Variants in ST3GAL3 observed in about 807,000 individuals in gnomAD.
ST3GAL3 encodes CMP-N-acetylneuraminate-beta-1,4-galactoside alpha-2,3-sialyltransferase.
In ST3GAL3, 21 loss-of-function variants were observed where a neutral mutation model predicts 50.1. The observed-to-expected ratio is 0.42, with a 90% CI of 0.30 to 0.60. ST3GAL3 has a LOEUF of 0.60. ST3GAL3 is among the 20% of genes least tolerant of loss of function. The pLI is 0.19. For missense variants in ST3GAL3, 353 were observed against 489.4 expected, an observed-to-expected ratio of 0.72 and a Z score of 2.63; for synonymous variants, 183 against 190.0, an observed-to-expected ratio of 0.96 and a Z score of 0.30.
Position 43,790,853 on chromosome 1 carries a change from G to T in ST3GAL3, c.119-1249G>T, listed in dbSNP as rs1262308552. 2.6e-5 allele frequency among the ~76,000 whole-genome samples: 4 copies of T among 151,906 alleles called. No individual in the cohort carries two copies. In the East Asian group the frequency reaches 7.8e-4, roughly 30 times the overall value. The stretch of plus-strand genomic sequence containing the variant: ...GTGTTTCACCATGTTGACCAGGATG[G>T]TCTCGATCTCTTGACCTCGTGATCC... On this transcript the variant is annotated intron_variant, in intron 2 of 11. Transcript: ENST00000347631.
At chr1:43,743,038 C>T (rs1681672882) in intron 2 of ST3GAL3, among the ~76,000 whole-genome samples, 2 of 150,234 alleles carry the variant, frequency 1.3e-5, no homozygotes, top group Non-Finnish European at 1.5e-5. Context: ...TGCAGTGAGC[C>T]GAGATCGCGC....
chr1:43,714,090 C>T (rs1465872832), intron 1 of ST3GAL3, among the ~76,000 whole-genome samples: 4 of 151,404 alleles, frequency 2.6e-5, no homozygotes, highest in African/African-American at 9.7e-5. Context: ...GTGTTGAAAC[C>T]CCGTCTCTAT....
In ST3GAL3 at chr1:43,746,031, A is replaced by G. The variant is rs577104234; in HGVS notation, c.118+9651A>G. Among the ~76,000 whole-genome samples the G allele has an allele frequency of 2.0e-5, 3 of 152,388 alleles. No homozygotes were observed. The South Asian group carries it at 6.2e-4, about 32-fold the overall frequency. The stretch of plus-strand genomic sequence containing the variant: ...ACTCTATGATATTTGCACAATGACG[A>G]AATTGCCTAACAGCGCAGTTCTTAG... On this transcript the variant is annotated intron_variant, in intron 2 of 11. Coordinates refer to ENST00000347631, the MANE Select transcript of ST3GAL3 (RefSeq NM_006279.5).
At chr1:43,851,210 T>C (rs2067235893) in intron 5 of ST3GAL3, 2 of 1,493,680 alleles carry the variant, frequency 1.3e-6, no homozygotes, top group Admixed American at 3.3e-5. Context: ...GTAGCCAGTG[T>C]CTGGGTTCAC....
intron 4 of ST3GAL3, chr1:43,824,744 C>G (rs777363966): frequency 6.2e-7 from 1 of 1,613,862 alleles, no homozygotes; most frequent in African/African-American, 1.3e-5. Context: ...ACCGAGGACT[C>G]TCTGCACGGT....
At chr1:43,731,158 TG>T (rs1675587129) in intron 1 of ST3GAL3, among the ~76,000 whole-genome samples, 1 of 151,730 alleles carries the variant, frequency 6.6e-6, no homozygotes, top group South Asian at 2.1e-4. Flanking sequence ...GCCTCCCAAT[TG>T]GTTGGGGCTA....
At chr1:43,748,164 A>G (rs928246251) in intron 2 of ST3GAL3, among the ~76,000 whole-genome samples, 8 of 152,180 alleles carry the variant, frequency 5.3e-5, no homozygotes, top group African/African-American at 1.9e-4. Context: ...ATCACACAAT[A>G]TATAAAACTC....
chr1:43,857,775 C>T (rs1035970562), intron 5 of ST3GAL3, among the ~76,000 whole-genome samples: 1 of 152,038 alleles, frequency 6.6e-6, no homozygotes, highest in African/African-American at 2.4e-5. Context: ...GCCACTATGT[C>T]CAGCTAATTT....
intron 1 of ST3GAL3, among the ~76,000 whole-genome samples, chr1:43,723,539 A>C (rs758524826): frequency 2.0e-5 from 3 of 152,192 alleles, no homozygotes; most frequent in Non-Finnish European, 2.9e-5. Flanking sequence ...CTGTAAGCCA[A>C]ATAAACTCGT....
intron 2 of ST3GAL3, among the ~76,000 whole-genome samples, chr1:43,758,329 C>A (rs185655006): frequency 1.1e-3 from 171 of 152,276 alleles, no homozygotes; most frequent in Non-Finnish European, 2.0e-3. Context: ...TAGTTCACTG[C>A]AACCTCAAAG....
chr1:43,806,914 C>T (rs563994076), intron 3 of ST3GAL3, among the ~76,000 whole-genome samples: 3 of 152,314 alleles, frequency 2.0e-5, no homozygotes, highest in South Asian at 4.1e-4. Flanking sequence ...TGGTCTCACA[C>T]ACCTGGGTTC....
intron 9 of ST3GAL3, among the ~76,000 whole-genome samples, chr1:43,918,011 T>C (rs186614387): frequency 1.3e-3 from 189 of 150,912 alleles, no homozygotes; most frequent in Non-Finnish European, 2.3e-3. Context: ...CTTAAAAATG[T>C]TTATGAAGTC....
intron 9 of ST3GAL3, among the ~76,000 whole-genome samples, chr1:43,918,119 C>CTTTTTTTT (rs573834844): frequency 0.022 from 2,909 of 133,742 alleles, 116 homozygotes; most frequent in African/African-American, 0.05. Flanking sequence ...TTTTCTTTCT[C>CTTTTTTTT]TTTTTTTTTT....
chr1:43,917,499 A>ATATATTATATAATATAATATATAT lies in ST3GAL3; in HGVS notation c.745-2888_745-2865dup, dbSNP rs1557534740. 1.2e-3 allele frequency among the ~76,000 whole-genome samples: 85 copies of ATATATTATATAATATAATATATAT among 71,960 alleles called. 1 individual carries two copies. The highest frequency in any genetic ancestry group is 5.6e-3 in the Middle Eastern group (1 of 178). 47.2% of individuals were successfully genotyped at this position (71,960 alleles called of 152,430 possible). A position where few individuals can be genotyped will look rare whatever the true frequency, so the allele number is the denominator to read the frequency against. ...ATATATATAATATATAATATATATAATATATTATATAATATAATATATATT... is the reference window on the plus strand; with the variant it reads ...ATATATATAATATATAATATATATAATATATTATATAATATAATATATATTATATTATATAATATAATATATATT... On this transcript the variant is annotated intron_variant, in intron 9 of 11. Transcript: ENST00000347631.
At chr1:43,909,301 C>G (rs1175704022) in intron 9 of ST3GAL3, among the ~76,000 whole-genome samples, 2 of 152,170 alleles carry the variant, frequency 1.3e-5, no homozygotes, top group African/African-American at 4.8e-5. Context: ...AGGTTCAGAC[C>G]CTTGCATCCT....
rs3791105 is a variant in ST3GAL3, at chr1:43,901,913, C to T, written c.744+2186C>T. Among the ~76,000 whole-genome samples, 69 of 152,328 alleles carry T rather than the reference C, an allele frequency of 4.5e-4. No individual in the cohort carries two copies. In the East Asian group the frequency reaches 0.012, roughly 26 times the overall value. On this transcript the variant is annotated intron_variant, in intron 9 of 11. Transcript: ENST00000347631. The stretch of plus-strand genomic sequence containing the variant: ...AATTTGGACCTTTAGAGTGAGCTGC[C>T]AGAGGAATGCCGGGGTTGCCCGTGG...
At chr1:43,865,855 G>C (rs1201093060) in intron 5 of ST3GAL3, among the ~76,000 whole-genome samples, 2 of 152,234 alleles carry the variant, frequency 1.3e-5, no homozygotes, top group African/African-American at 4.8e-5. Flanking sequence ...CCATCATGAG[G>C]TTGAAAAGTA....
intron 1 of ST3GAL3, among the ~76,000 whole-genome samples, chr1:43,710,857 A>T (rs996414852): frequency 3.3e-4 from 50 of 152,346 alleles, no homozygotes; most frequent in African/African-American, 1.2e-3. Context: ...CCATAACATT[A>T]GAGTCTGCCT....
chr1:43,926,993 G>A (rs1390323790), intron 11 of ST3GAL3, among the ~76,000 whole-genome samples: 2 of 152,140 alleles, frequency 1.3e-5, no homozygotes, highest in African/African-American at 4.8e-5. Flanking sequence ...CCACTCCACT[G>A]ATTCAAACAT....
Sources: gnomAD v4.1 joint callset for allele counts (sites outside exome capture counted in the v4.1 genomes callset) on GRCh38, gnomAD v4.1.1 for gene constraint, MANE v1.5 for transcripts, NCBI Gene and HGNC (gene_info 2026-07-23, HGNC 2026-07-21) for gene names.